PTPRN2: variants seen among roughly 807,000 people sequenced by gnomAD.
PTPRN2 encodes the protein receptor-type tyrosine-protein phosphatase N2.
PTPRN2 carries 74 observed loss-of-function variants against 118.8 expected under a neutral mutation model. The ratio of observed to expected loss-of-function variants is 0.62; its 90% CI spans 0.52 to 0.76. The LOEUF (loss-of-function observed/expected upper bound fraction) is 0.76. Ranked by LOEUF, PTPRN2 falls within the 30% of genes least tolerant of loss-of-function variation. PTPRN2 has a pLI of 0.00. For synonymous variants in PTPRN2, 641 were observed against 608.0 expected (o/e 1.05, Z -0.80); for missense variants, 1,481 against 1,394.4 (o/e 1.06, Z -0.99).
chr7:158,089,753 T>TG (rs1198697328), intron 10 of PTPRN2, among the ~76,000 whole-genome samples: 1 of 130,980 alleles, frequency 7.6e-6, no homozygotes, highest in Non-Finnish European at 1.6e-5. Flanking sequence ...CACACAAACC[T>TG]TCTTCCCCTG....
chr7:158,404,338 C>G (rs950399339), intron 2 of PTPRN2, among the ~76,000 whole-genome samples: 1 of 152,150 alleles, frequency 6.6e-6, no homozygotes, highest in African/African-American at 2.4e-5. Flanking sequence ...TGGGAGGATG[C>G]TGAGGAGACA....
intron 11 of PTPRN2, among the ~76,000 whole-genome samples, chr7:157,950,302 C>T (rs897273347): frequency 4.6e-5 from 7 of 152,182 alleles, no homozygotes; most frequent in Admixed American, 6.5e-5. Flanking sequence ...GCAGGCGTTT[C>T]TGAGTGAACG....
At chr7:158,086,090 C>T (rs1006488814) in intron 10 of PTPRN2, among the ~76,000 whole-genome samples, 3 of 152,198 alleles carry the variant, frequency 2.0e-5, no homozygotes, top group Non-Finnish European at 4.4e-5. Flanking sequence ...TGAAATTCTT[C>T]GTGGCTCCCT....
chr7:158,385,848 T>C (rs1037381342), intron 2 of PTPRN2, among the ~76,000 whole-genome samples: 4 of 150,276 alleles, frequency 2.7e-5, no homozygotes, highest in African/African-American at 1.0e-4. Flanking sequence ...CTCTGCTGTG[T>C]TTCCCTCCAT....
intron 2 of PTPRN2, among the ~76,000 whole-genome samples, chr7:158,399,958 G>A (rs545582108): frequency 2.6e-5 from 4 of 152,274 alleles, no homozygotes; most frequent in East Asian, 1.9e-4. Flanking sequence ...GAGGGGCGGC[G>A]AGTCTGCAGA....
chr7:157,635,807 T>C (rs960565063), intron 14 of PTPRN2, among the ~76,000 whole-genome samples: 1 of 152,246 alleles, frequency 6.6e-6, no homozygotes, highest in African/African-American at 2.4e-5. Flanking sequence ...TTTATTTTCT[T>C]AGCCTCAGCT....
At chr7:157,640,449 T>C (rs1252098899) in intron 14 of PTPRN2, among the ~76,000 whole-genome samples, 1 of 152,150 alleles carries the variant, frequency 6.6e-6, no homozygotes, top group Non-Finnish European at 1.5e-5. Context: ...TTATTTCCAT[T>C]AGAGGGGAGA....
intron 10 of PTPRN2, among the ~76,000 whole-genome samples, chr7:158,082,808 T>A (rs1246373167): frequency 6.6e-6 from 1 of 152,208 alleles, no homozygotes; most frequent in African/African-American, 2.4e-5. Flanking sequence ...CTGAGTGACT[T>A]CCTGCGTCCA....
At chr7:158,309,653 A>T (rs1463445294) in intron 3 of PTPRN2, among the ~76,000 whole-genome samples, 1 of 152,228 alleles carries the variant, frequency 6.6e-6, no homozygotes, top group Non-Finnish European at 1.5e-5. Flanking sequence ...ATTCTCAACG[A>T]AACACTAAGA....
At chr7:157,931,267 C>A (rs1799343454) in intron 11 of PTPRN2, among the ~76,000 whole-genome samples, 1 of 152,228 alleles carries the variant, frequency 6.6e-6, no homozygotes, top group Non-Finnish European at 1.5e-5. Context: ...GCTGCCTAGG[C>A]CAGGTTTCTG....
intron 14 of PTPRN2, among the ~76,000 whole-genome samples, chr7:157,638,357 G>T (rs199499019): frequency 1.3e-5 from 2 of 152,240 alleles, no homozygotes; most frequent in East Asian, 3.9e-4. Flanking sequence ...CCAACCAAAC[G>T]TGCTCACAAG....
intron 12 of PTPRN2, among the ~76,000 whole-genome samples, chr7:157,772,342 CAT>C (rs1210909909): frequency 4.5e-5 from 6 of 134,484 alleles, no homozygotes; most frequent in East Asian, 2.2e-4. Context: ...TACACACAGA[CAT>C]ACACACACAC....
intron 12 of PTPRN2, among the ~76,000 whole-genome samples, chr7:157,717,684 G>T (rs981810718): frequency 6.6e-6 from 1 of 152,258 alleles, no homozygotes; most frequent in African/African-American, 2.4e-5. Flanking sequence ...CCAGGTATGG[G>T]CACCGGCTGC....
intron 20 of PTPRN2, among the ~76,000 whole-genome samples, chr7:157,571,108 G>A (rs762536666): frequency 1.6e-4 from 24 of 151,866 alleles, no homozygotes; most frequent in Non-Finnish European, 2.8e-4. Flanking sequence ...TTAGCCGGGC[G>A]TGGTGGCGGG....
At chr7:158,326,916 C>T (rs911313811) in intron 2 of PTPRN2, among the ~76,000 whole-genome samples, 1 of 151,540 alleles carries the variant, frequency 6.6e-6, no homozygotes, top group African/African-American at 2.4e-5. Context: ...TGCACATGCT[C>T]ACACGTTCTC....
intron 13 of PTPRN2, among the ~76,000 whole-genome samples, chr7:157,660,085 G>A (rs938619291): frequency 6.6e-6 from 1 of 152,102 alleles, no homozygotes; most frequent in African/African-American, 2.4e-5. Context: ...AATTTTGCTT[G>A]ACGTGGGGGA....
chr7:157,947,253 C>T (rs1278471217), intron 11 of PTPRN2, among the ~76,000 whole-genome samples: 1 of 152,136 alleles, frequency 6.6e-6, no homozygotes, highest in South Asian at 2.1e-4. Flanking sequence ...AAGGATCTGT[C>T]CCTCCACTGA....
chr7:158,369,976 A>G (rs1809835121), intron 2 of PTPRN2, among the ~76,000 whole-genome samples: 1 of 152,226 alleles, frequency 6.6e-6, no homozygotes, highest in African/African-American at 2.4e-5. Flanking sequence ...AGGCCCAGTC[A>G]GAAACACCGA....
intron 12 of PTPRN2, among the ~76,000 whole-genome samples, chr7:157,702,951 C>A (rs1798152049): frequency 6.6e-6 from 1 of 152,004 alleles, no homozygotes; most frequent in Non-Finnish European, 1.5e-5. Flanking sequence ...CTGTTGGAGA[C>A]CGGTCTTAGG....
Sources: gnomAD v4.1 joint callset for allele counts (sites outside exome capture counted in the v4.1 genomes callset) on GRCh38, gnomAD v4.1.1 for gene constraint, MANE v1.5 for transcripts, NCBI Gene and HGNC (gene_info 2026-07-23, HGNC 2026-07-21) for gene names.